FAM120A: variants seen among roughly 807,000 people sequenced by gnomAD.
FAM120A encodes constitutive coactivator of PPAR-gamma-like protein 1.
FAM120A carries 15 observed loss-of-function variants against 109.7 expected under a neutral mutation model. That is an observed-to-expected ratio of 0.14 (90% CI 0.09 to 0.21). FAM120A has a LOEUF of 0.21. Among genes scored for constraint, FAM120A ranks in the 10% least tolerant of loss-of-function variants. The probability of loss-of-function intolerance (pLI) is 1.00; values close to 1 mark genes in which losing one functional copy is unlikely to be tolerated. For missense variants in FAM120A, 899 were observed against 1,439.3 expected (o/e 0.62, Z 6.07); for synonymous variants, 493 against 572.8 (o/e 0.86, Z 1.99).
chr9:93,461,599 G>A (rs899178301), intron 1 of FAM120A, among the ~76,000 whole-genome samples: 5 of 152,050 alleles, frequency 3.3e-5, no homozygotes, highest in African/African-American at 1.2e-4. Context: ...AATAATGTGT[G>A]TGTTTCTTCC....
intron 5 of FAM120A, among the ~76,000 whole-genome samples, chr9:93,512,859 T>C (rs1860393824): frequency 6.6e-6 from 1 of 152,246 alleles, no homozygotes; most frequent in Non-Finnish European, 1.5e-5. Flanking sequence ...CAGAGGATTA[T>C]TTGAGGTCAA....
chr9:93,508,286 G>A (rs1365931320), intron 5 of FAM120A, among the ~76,000 whole-genome samples: 1 of 152,216 alleles, frequency 6.6e-6, no homozygotes, highest in Admixed American at 6.5e-5. Context: ...ACACAGTGAT[G>A]AGCAACCTGG....
At chr9:93,499,269 C>T (rs949412360) in intron 5 of FAM120A, among the ~76,000 whole-genome samples, 4 of 151,760 alleles carry the variant, frequency 2.6e-5, no homozygotes, top group African/African-American at 9.7e-5. Context: ...CTTTTCTTGA[C>T]CCCTGCCTTT....
chr9:93,536,852 C>T (rs772744803), intron 10 of FAM120A, among the ~76,000 whole-genome samples: 1 of 152,200 alleles, frequency 6.6e-6, no homozygotes, highest in South Asian at 2.1e-4. Flanking sequence ...TCTTTCCATC[C>T]CTAAGTTCTA....
intron 3 of FAM120A, among the ~76,000 whole-genome samples, chr9:93,481,959 C>T (rs1269774789): frequency 6.6e-6 from 1 of 152,108 alleles, no homozygotes; most frequent in Admixed American, 6.5e-5. Context: ...GGAGCTTCCC[C>T]TAAAGTACTC....
At chr9:93,529,294 T>C (rs771013785) in intron 8 of FAM120A, 59 bp from the exon 9 acceptor site, 20 of 1,456,662 alleles carry the variant, frequency 1.4e-5, no homozygotes, top group Admixed American at 8.9e-5. Flanking sequence ...TACCATACTT[T>C]AAATGAATGA....
chr9:93,471,361 G>A lies in FAM120A; in HGVS notation c.695G>A (p.Arg232His), dbSNP rs759048159. Reference protein sequence around the residue: ...VAKQLDLNPNRFPIFAALLGN... With the variant: ...VAKQLDLNPNHFPIFAALLGN... ...AAGCAACTGGACCTGAATCCAAATC[G>A]TTTTCCTATTTTTGCTGCTCTCTTA... The change falls in exon 2 of 18, where the codon CGT becomes CAT. Residue 232 changes from arginine (R) to histidine (H), a missense_variant. Physicochemically the swap from Arg to His is conservative, Grantham distance 29. Coordinates refer to ENST00000277165, the MANE Select transcript of FAM120A (RefSeq NM_014612.5). The A allele has an allele frequency of 7.4e-6, 12 of 1,614,136 alleles. No individual in the cohort carries two copies. Among genetic ancestry groups the A allele is most frequent in the Admixed American group, 5.0e-5 (3 of 60,018 alleles).
chr9:93,452,516 C>T lies in FAM120A; in HGVS notation c.474+127C>T, dbSNP rs745343672. On this transcript the variant is annotated intron_variant, in intron 1 of 17. Coordinates refer to ENST00000277165, the MANE Select transcript of FAM120A (RefSeq NM_014612.5). The surrounding 1 kb of genome is among the most constrained non-coding windows in gnomAD (Gnocchi z 7.0). ...GCAGCGAGTTCCCCCAGCCCTTGCC[C>T]GGGATAGCCTGGCCGGGCCGGGCTG... 3 of 1,552,288 alleles carry T rather than the reference C, an allele frequency of 1.9e-6. No homozygotes were observed. Among genetic ancestry groups the T allele is most frequent in the Non-Finnish European group, 2.6e-6 (3 of 1,154,382 alleles).
intron 10 of FAM120A, among the ~76,000 whole-genome samples, chr9:93,535,475 A>G (rs1474134320): frequency 1.3e-5 from 2 of 152,244 alleles, no homozygotes; most frequent in African/African-American, 4.8e-5. Context: ...TTAAGTGTTT[A>G]GAAAAATGCA....
At chr9:93,538,298 C>T (rs111985268) in intron 10 of FAM120A, among the ~76,000 whole-genome samples, 3 of 152,026 alleles carry the variant, frequency 2.0e-5, no homozygotes, top group Non-Finnish European at 2.9e-5. Flanking sequence ...TGCTTACAGA[C>T]GTATCAGCCT....
chr9:93,518,019 T>C (rs1860673869), intron 7 of FAM120A, among the ~76,000 whole-genome samples: 1 of 152,246 alleles, frequency 6.6e-6, no homozygotes, highest in Non-Finnish European at 1.5e-5. Flanking sequence ...TACTGTTTTC[T>C]GGAGATGCAT....
At chr9:93,518,233 G>A (rs1346957013) in intron 7 of FAM120A, among the ~76,000 whole-genome samples, 1 of 152,140 alleles carries the variant, frequency 6.6e-6, no homozygotes, top group Non-Finnish European at 1.5e-5. Context: ...AACTTGGGGT[G>A]AAACCCTTGA....
chr9:93,563,831 T>G (rs1862550309), intron 17 of FAM120A, among the ~76,000 whole-genome samples: 1 of 152,252 alleles, frequency 6.6e-6, no homozygotes, highest in Non-Finnish European at 1.5e-5. Context: ...ATGGGGTGTG[T>G]GTGCTGCTGC....
At chr9:93,560,182 C>G (rs1011962181) in intron 15 of FAM120A, among the ~76,000 whole-genome samples, 4 of 152,004 alleles carry the variant, frequency 2.6e-5, no homozygotes, top group African/African-American at 4.8e-5. Flanking sequence ...GTAGTCCCAG[C>G]TACTCAGGAG....
At position 93,451,704 on chromosome 9, in the gene FAM120A, C is replaced by T; in HGVS notation, c.-212C>T. 1 of 984,556 alleles carries T rather than the reference C, an allele frequency of 1.0e-6. No individual in the cohort carries two copies. Among genetic ancestry groups the T allele is most frequent in the Non-Finnish European group, 1.2e-6 (1 of 831,500 alleles). The allele number at this position is 984,556 out of a possible 1,614,324, so 61.0% of individuals were successfully genotyped here. On this transcript the variant is annotated 5_prime_UTR_variant, in exon 1 of 18. Transcript: ENST00000277165. ...CTCGGCCTCGGCCTCGCAGCGGCGG[C>T]AGCGGCGGCGGCGGCAGGTCCCTCC...
intron 7 of FAM120A, chr9:93,523,331 C>T (rs1564343227): frequency 7.8e-7 from 1 of 1,289,086 alleles, no homozygotes; most frequent in Non-Finnish European, 1.0e-6. Flanking sequence ...AAGAGAATTC[C>T]ATCGTGCTCT....
At chr9:93,540,300 T>C (rs1346544208) in intron 10 of FAM120A, among the ~76,000 whole-genome samples, 1 of 152,210 alleles carries the variant, frequency 6.6e-6, no homozygotes, top group Non-Finnish European at 1.5e-5. Flanking sequence ...CTCTAACTAT[T>C]AGAGATGAGC....
At chr9:93,525,531 T>C (rs1861040237) in intron 7 of FAM120A, among the ~76,000 whole-genome samples, 1 of 152,246 alleles carries the variant, frequency 6.6e-6, no homozygotes, top group African/African-American at 2.4e-5. Context: ...CTTTACATGC[T>C]ATGGAAGATA....
intron 10 of FAM120A, among the ~76,000 whole-genome samples, chr9:93,537,084 G>C (rs1474381734): frequency 6.6e-6 from 1 of 152,242 alleles, no homozygotes; most frequent in Admixed American, 6.5e-5. Context: ...GTTGGGCCTC[G>C]AGATGAGTCC....
Sources: gnomAD v4.1 joint callset for allele counts (sites outside exome capture counted in the v4.1 genomes callset) on GRCh38, gnomAD v4.1.1 for gene constraint, Gnocchi (gnomAD v3.1) non-coding constraint, MANE v1.5 for transcripts, NCBI Gene and HGNC (gene_info 2026-07-23, HGNC 2026-07-21) for gene names.